B3GALT1: variants seen among roughly 807,000 people sequenced by gnomAD.
B3GALT1 encodes the protein beta-1,3-galactosyltransferase 1, also known as UDP-Gal:betaGlcNAc beta 1,3-galactosyltransferase, polypeptide 1.
A neutral mutation model predicts 23.2 loss-of-function variants in B3GALT1; 10 were observed. The ratio of observed to expected loss-of-function variants is 0.43; its 90% CI spans 0.27 to 0.73. The LOEUF is 0.73. Among genes scored for constraint, B3GALT1 ranks in the 30% least tolerant of loss-of-function variants. The pLI is 0.21. For missense variants in B3GALT1, 299 were observed against 405.4 expected (o/e 0.74, Z 2.25); for synonymous variants, 156 against 141.5 (o/e 1.10, Z -0.73).
intron 2 of B3GALT1, among the ~76,000 whole-genome samples, chr2:167,534,790 G>A (rs2105370028): frequency 6.6e-6 from 1 of 152,316 alleles, no homozygotes; most frequent in South Asian, 2.1e-4. Flanking sequence ...AATTTGTGAA[G>A]CATTGTTAGT....
At chr2:167,667,080 G>A (rs945812266) in intron 3 of B3GALT1, among the ~76,000 whole-genome samples, 11 of 151,900 alleles carry the variant, frequency 7.2e-5, no homozygotes, top group East Asian at 3.9e-4. Context: ...ATTTTGCAGC[G>A]GCTGGTACTG....
chr2:167,797,714 T>G (rs1402434442), intron 3 of B3GALT1, among the ~76,000 whole-genome samples: 3 of 151,688 alleles, frequency 2.0e-5, no homozygotes, highest in African/African-American at 7.3e-5. Flanking sequence ...TGTTTTGTTT[T>G]GTTTTGTTTT....
intron 3 of B3GALT1, among the ~76,000 whole-genome samples, chr2:167,733,412 T>A (rs949687072): frequency 1.3e-5 from 2 of 148,330 alleles, no homozygotes; most frequent in Non-Finnish European, 3.0e-5. Context: ...TTATGAGTTT[T>A]ATTGAGATTT....
chr2:167,509,699 C>T (rs1027717098), intron 2 of B3GALT1, among the ~76,000 whole-genome samples: 2 of 152,052 alleles, frequency 1.3e-5, no homozygotes, highest in Non-Finnish European at 2.9e-5. Flanking sequence ...ATGAGCAGGA[C>T]ATTCAGTGTG....
chr2:167,590,537 G>A (rs1001697070), intron 2 of B3GALT1, among the ~76,000 whole-genome samples: 7 of 151,692 alleles, frequency 4.6e-5, no homozygotes, highest in African/African-American at 1.7e-4. Context: ...TAGAACCCAA[G>A]GGGGGAAAAA....
chr2:167,662,725 T>C (rs1686082806), intron 3 of B3GALT1, among the ~76,000 whole-genome samples: 1 of 151,944 alleles, frequency 6.6e-6, no homozygotes, highest in Admixed American at 6.6e-5. Flanking sequence ...CAATGGTCTG[T>C]AGGGCCCCAC....
At chr2:167,339,172 A>G (rs1697108649) in intron 1 of B3GALT1, among the ~76,000 whole-genome samples, 1 of 152,212 alleles carries the variant, frequency 6.6e-6, no homozygotes, top group Admixed American at 6.6e-5. Flanking sequence ...TCATAGCAAC[A>G]TTGACTGAAA....
At chr2:167,594,851 A>C (rs1410552116) in intron 2 of B3GALT1, among the ~76,000 whole-genome samples, 1 of 152,132 alleles carries the variant, frequency 6.6e-6, no homozygotes, top group Non-Finnish European at 1.5e-5. Context: ...GGTTGCAATC[A>C]GCCAAGATTG....
intron 3 of B3GALT1, among the ~76,000 whole-genome samples, chr2:167,668,808 C>T (rs562081954): frequency 3.7e-4 from 57 of 152,314 alleles, no homozygotes; most frequent in African/African-American, 1.2e-3. Flanking sequence ...TGCTTCGGCT[C>T]GCGCACGGTG....
rs140801152 is a variant in B3GALT1 at position 167,759,404 on chromosome 2, A to G, written c.-351-59268A>G. Among the ~76,000 whole-genome samples, 233 of 152,354 alleles carry G rather than the reference A, an allele frequency of 1.5e-3. 5 individuals are homozygous for G. The highest frequency in any genetic ancestry group is 5.0e-3 in the African/African-American group (206 of 41,588). ...TACATAGTCTGATGCTATGTGGAGA[A>G]CTAGACTAGGGGGGCAATAATTCCT... On this transcript the variant is annotated intron_variant, in intron 3 of 4. Coordinates refer to ENST00000392690, the MANE Select transcript of B3GALT1 (RefSeq NM_020981.4).
At chr2:167,521,991 T>TATATATATATATATATACAC (rs1700195760) in intron 2 of B3GALT1, among the ~76,000 whole-genome samples, 1 of 136,324 alleles carries the variant, frequency 7.3e-6, no homozygotes, top group Admixed American at 7.2e-5. Context: ...TGTGTATATA[T>TATATATATATATATATACAC]ATATATATAT....
chr2:167,509,718 A>G (rs528971647), intron 2 of B3GALT1, among the ~76,000 whole-genome samples: 1 of 152,280 alleles, frequency 6.6e-6, no homozygotes, highest in East Asian at 1.9e-4. Context: ...TGGCTGGAGC[A>G]GTGTGAGTTA....
chr2:167,447,879 C>T (rs1699025816), intron 1 of B3GALT1, among the ~76,000 whole-genome samples: 1 of 152,090 alleles, frequency 6.6e-6, no homozygotes, highest in South Asian at 2.1e-4. Context: ...TGACAAGCCC[C>T]AGTGAGATGA....
intron 2 of B3GALT1, among the ~76,000 whole-genome samples, chr2:167,516,350 A>G (rs2105358149): frequency 6.6e-6 from 1 of 152,066 alleles, no homozygotes; most frequent in South Asian, 2.1e-4. Context: ...TAAAATATAA[A>G]CCTGAGTTTT....
intron 3 of B3GALT1, among the ~76,000 whole-genome samples, chr2:167,769,779 C>T (rs981318813): frequency 1.1e-4 from 16 of 152,098 alleles, no homozygotes; most frequent in African/African-American, 2.9e-4. Flanking sequence ...TTCCATTATA[C>T]GGATGTGCCA....
chr2:167,785,954 C>T (rs968188294), intron 3 of B3GALT1, among the ~76,000 whole-genome samples: 29 of 152,190 alleles, frequency 1.9e-4, no homozygotes, highest in Non-Finnish European at 2.9e-5. Flanking sequence ...AAACTCTTAA[C>T]AACTGTTCAA....
At chr2:167,619,920 A>G (rs1685227255) in intron 2 of B3GALT1, among the ~76,000 whole-genome samples, 1 of 152,162 alleles carries the variant, frequency 6.6e-6, no homozygotes, top group Admixed American at 6.6e-5. Flanking sequence ...CTTGCAGTTT[A>G]GTAAGAATGA....
chr2:167,614,339 C>G (rs906403460), intron 2 of B3GALT1, among the ~76,000 whole-genome samples: 2 of 149,492 alleles, frequency 1.3e-5, no homozygotes, highest in Admixed American at 1.3e-4. Context: ...TAGGAAGATA[C>G]TTAAAAGAGA....
At chr2:167,664,759 T>G (rs1463588020) in intron 3 of B3GALT1, among the ~76,000 whole-genome samples, 1 of 151,980 alleles carries the variant, frequency 6.6e-6, no homozygotes, top group Non-Finnish European at 1.5e-5. Context: ...TTTGGCTCTC[T>G]GTTTGTCTGT....
Sources: gnomAD v4.1 joint callset for allele counts (sites outside exome capture counted in the v4.1 genomes callset) on GRCh38, gnomAD v4.1.1 for gene constraint, MANE v1.5 for transcripts, NCBI Gene and HGNC (gene_info 2026-07-23, HGNC 2026-07-21) for gene names.